Variants in CDK19 observed in about 807,000 individuals in gnomAD.
CDK19 encodes cyclin-dependent kinase 19.
A neutral mutation model predicts 68.3 loss-of-function variants in CDK19; 20 were observed. The observed-to-expected ratio is 0.29, with a 90% CI of 0.21 to 0.43. The LOEUF is 0.43. CDK19 is among the 20% of genes least tolerant of loss of function. The pLI is 1.00. For missense variants in CDK19, 339 were observed against 623.5 expected, an observed-to-expected ratio of 0.54 and a Z score of 4.86; for synonymous variants, 221 against 222.8, an observed-to-expected ratio of 0.99 and a Z score of 0.07.
intron 2 of CDK19, among the ~76,000 whole-genome samples, chr6:110,709,815 T>C (rs1177945584): frequency 6.6e-6 from 1 of 152,214 alleles, no homozygotes; most frequent in East Asian, 1.9e-4. Context: ...ATTCTTGAAA[T>C]GTTTACACAC....
At chr6:110,679,345 G>T (rs1298335216) in intron 2 of CDK19, among the ~76,000 whole-genome samples, 1 of 151,864 alleles carries the variant, frequency 6.6e-6, no homozygotes, top group Non-Finnish European at 1.5e-5. Flanking sequence ...AGGTACAGTG[G>T]CTCATGCCTG....
rs535100441 is a variant in CDK19 at position 110,695,510 on chromosome 6, C to T, written c.205-24969G>A. On this transcript the variant is annotated intron_variant, in intron 2 of 12. Coordinates refer to ENST00000368911, the MANE Select transcript of CDK19 (RefSeq NM_015076.5). The stretch of plus-strand genomic sequence containing the variant: ...AAAACAAATAAAGATTAGAACAGAA[C>T]TAAATAAAATTGAAACAAAAAAATT... Among the ~76,000 whole-genome samples the T allele has an allele frequency of 1.6e-4, 25 of 152,048 alleles. No individual in the cohort carries two copies. In the South Asian group the frequency reaches 5.0e-3, roughly 30 times the overall value.
At chr6:110,623,906 TA>T (rs1778913360) in intron 8 of CDK19, among the ~76,000 whole-genome samples, 1 of 147,128 alleles carries the variant, frequency 6.8e-6, no homozygotes, top group South Asian at 2.1e-4. Flanking sequence ...TGTATATATA[TA>T]TACGTATATA....
At chr6:110,692,621 T>C (rs1773106145) in intron 2 of CDK19, among the ~76,000 whole-genome samples, 1 of 152,066 alleles carries the variant, frequency 6.6e-6, no homozygotes, top group South Asian at 2.1e-4. Context: ...GATATACAAA[T>C]ATAAGAAGCA....
In CDK19 at chr6:110,746,080, C is replaced by G. The variant is rs762527081; in HGVS notation, c.204+46G>C. ...ACTTTTATATTAAAATAAATCATCACCCAATATCAATAATAAAATAAATAA... is the reference window on the plus strand; with the variant it reads ...ACTTTTATATTAAAATAAATCATCAGCCAATATCAATAATAAAATAAATAA... On this transcript the variant is annotated intron_variant, in intron 2 of 12. Coordinates refer to ENST00000368911, the MANE Select transcript of CDK19 (RefSeq NM_015076.5). 2.2e-5 allele frequency: 21 copies of G among 933,388 alleles called. No homozygotes were observed. In the South Asian group the frequency reaches 3.7e-4, roughly 16 times the overall value. 57.8% of individuals were successfully genotyped at this position (933,388 alleles called of 1,614,324 possible).
Position 110,731,245 on chromosome 6 carries a change from G to A in CDK19, c.204+14881C>T, listed in dbSNP as rs146645394. On this transcript the variant is annotated intron_variant, in intron 2 of 12. Transcript: ENST00000368911. Reference sequence around the variant, plus strand: ...TTTTAACAAGATCCCCAGGTGATACGTAGGGCCATAAAATCTGAAAATCAC... The same window carrying A: ...TTTTAACAAGATCCCCAGGTGATACATAGGGCCATAAAATCTGAAAATCAC... Among the ~76,000 whole-genome samples the A allele has an allele frequency of 2.6e-4, 40 of 152,312 alleles. No homozygotes were observed. In the East Asian group the frequency reaches 7.1e-3, roughly 27 times the overall value.
intron 2 of CDK19, among the ~76,000 whole-genome samples, chr6:110,720,101 C>G (rs777880861): frequency 2.4e-4 from 36 of 151,760 alleles, no homozygotes; most frequent in Non-Finnish European, 4.6e-4. Context: ...TCTGAAAACC[C>G]TGATTCATGA....
At chr6:110,792,242 T>C (rs997918864) in intron 1 of CDK19, among the ~76,000 whole-genome samples, 5 of 152,166 alleles carry the variant, frequency 3.3e-5, no homozygotes, top group Admixed American at 3.3e-4. Flanking sequence ...GTGCTGAGAT[T>C]ACAGGCGTGA....
At chr6:110,646,546 T>A in intron 4 of CDK19, 2 of 1,179,818 alleles carry the variant, frequency 1.7e-6, no homozygotes, top group Non-Finnish European at 2.3e-6. Context: ...AACAGGTGCT[T>A]AAGTCGTGCT....
intron 2 of CDK19, among the ~76,000 whole-genome samples, chr6:110,734,520 G>GCGCTCTCTCTCTCTCT (rs1554214772): frequency 2.3e-5 from 2 of 85,780 alleles, no homozygotes; most frequent in Non-Finnish European, 4.7e-5. Flanking sequence ...GGTGAGCACT[G>GCGCTCTCTCTCTCTCT]CTCTCTCTCT....
intron 4 of CDK19, chr6:110,646,326 G>A (rs1780572783): frequency 1.4e-6 from 2 of 1,476,232 alleles, no homozygotes; most frequent in Admixed American, 2.3e-5. Flanking sequence ...GCGCGAACGG[G>A]CCCACGACGG....
chr6:110,735,859 G>A (rs1312153673), intron 2 of CDK19, among the ~76,000 whole-genome samples: 3 of 152,174 alleles, frequency 2.0e-5, no homozygotes, highest in African/African-American at 7.2e-5. Flanking sequence ...TTGGAAAGAA[G>A]TGCTTCGCCA....
intron 1 of CDK19, among the ~76,000 whole-genome samples, chr6:110,785,137 C>T (rs1255710611): frequency 3.4e-5 from 5 of 148,594 alleles, no homozygotes; most frequent in African/African-American, 1.2e-4. Context: ...ATGGAAAATG[C>T]ACTAATTCAT....
intron 5 of CDK19, among the ~76,000 whole-genome samples, chr6:110,634,139 AT>A (rs1318940594): frequency 2.6e-5 from 4 of 152,232 alleles, no homozygotes; most frequent in Non-Finnish European, 4.4e-5. Flanking sequence ...ACGGTATAAC[AT>A]ATTAAAATTT....
At chr6:110,641,646 A>AAAGAAAGAAAGGAAGGAAGG (rs60451345) in intron 4 of CDK19, among the ~76,000 whole-genome samples, 190 of 131,456 alleles carry the variant, frequency 1.4e-3, no homozygotes, top group African/African-American at 5.5e-3. Context: ...AAAGGGAAAG[A>AAAGAAAGAAAGGAAGGAAGG]AAGGAAGGAA....
intron 4 of CDK19, among the ~76,000 whole-genome samples, chr6:110,640,557 G>C (rs1378751242): frequency 5.3e-5 from 8 of 152,192 alleles, no homozygotes; most frequent in Non-Finnish European, 7.4e-5. Flanking sequence ...TTAAGTTTAT[G>C]TGACTGGAAG....
chr6:110,779,810 C>G (rs141344630), intron 1 of CDK19, among the ~76,000 whole-genome samples: 1 of 152,098 alleles, frequency 6.6e-6, no homozygotes, highest in Non-Finnish European at 1.5e-5. Flanking sequence ...GGAGGCTGGG[C>G]GCTGTGGCTC....
At chr6:110,780,768 T>C (rs144752375) in intron 1 of CDK19, among the ~76,000 whole-genome samples, 63 of 152,186 alleles carry the variant, frequency 4.1e-4, no homozygotes, top group Admixed American at 8.5e-4. Flanking sequence ...TCCAAGGTAC[T>C]ATGAGTGCAA....
At chr6:110,708,186 A>T (rs1324731545) in intron 2 of CDK19, among the ~76,000 whole-genome samples, 2 of 152,112 alleles carry the variant, frequency 1.3e-5, no homozygotes, top group Admixed American at 6.5e-5. Context: ...ACTAGTGACT[A>T]CCACACTGGA....
Sources: gnomAD v4.1 joint callset for allele counts (sites outside exome capture counted in the v4.1 genomes callset) on GRCh38, gnomAD v4.1.1 for gene constraint, MANE v1.5 for transcripts, NCBI Gene and HGNC (gene_info 2026-07-23, HGNC 2026-07-21) for gene names.